MYZAP: variants seen among roughly 807,000 people sequenced by gnomAD.
The protein encoded by MYZAP is myocardial zonula adherens protein, also known as GRINL1A complex locus upstream.
Under a neutral mutation model 69.4 loss-of-function variants are expected in MYZAP, and 66 were observed. The ratio of observed to expected loss-of-function variants is 0.95; its 90% CI spans 0.78 to 1.17. The LOEUF (loss-of-function observed/expected upper bound fraction) is 1.17. Among genes scored for constraint, MYZAP ranks in the 50% most tolerant of loss-of-function variants. MYZAP has a pLI of 0.00. For synonymous variants in MYZAP, 256 were observed against 205.9 expected, an observed-to-expected ratio of 1.24 and a Z score of -2.09; for missense variants, 611 against 556.2, an observed-to-expected ratio of 1.10 and a Z score of -0.99.
At position 57,592,118 on chromosome 15, in the gene MYZAP, C is replaced by T; in HGVS notation, c.75+9C>T. 7.6e-7 allele frequency: 1 copy of T among 1,310,916 alleles called. No individual in the cohort carries two copies. The highest frequency in any genetic ancestry group is 9.7e-7 in the Non-Finnish European group (1 of 1,031,962). 81.2% of individuals were successfully genotyped at this position (1,310,916 alleles called of 1,614,324 possible). A position where few individuals can be genotyped will look rare whatever the true frequency, so the allele number is the denominator to read the frequency against. ...GGGCGCCCAGCAGGAGGGTGAGTAGCGGGGGCGGGAGCCGCCGCCGTCCCG... is the reference window on the plus strand; with the variant it reads ...GGGCGCCCAGCAGGAGGGTGAGTAGTGGGGGCGGGAGCCGCCGCCGTCCCG... On this transcript the variant is annotated intron_variant, in intron 1 of 12. Coordinates refer to ENST00000267853, the MANE Select transcript of MYZAP (RefSeq NM_001018100.5).
chr15:57,645,578 A>G lies in MYZAP; in HGVS notation c.1119+6033A>G, dbSNP rs191718737. Among the ~76,000 whole-genome samples, 9 of 152,384 alleles carry G rather than the reference A, an allele frequency of 5.9e-5. No homozygotes were observed. The East Asian group carries it at 1.5e-3, about 26-fold the overall frequency. ...TTTTGTAAGAGTTAAATGAGATGAC[A>G]TGTATAAAATGCACAGCATGTTAAT... On this transcript the variant is annotated intron_variant, in intron 10 of 12. Transcript: ENST00000267853.
chr15:57,644,034 A>T (rs1019310989), intron 10 of MYZAP, among the ~76,000 whole-genome samples: 1 of 152,206 alleles, frequency 6.6e-6, no homozygotes, highest in African/African-American at 2.4e-5. Context: ...CATTGGAATC[A>T]CCTGGGGAGC....
At chr15:57,621,372 C>A (rs1469065340) in intron 3 of MYZAP, among the ~76,000 whole-genome samples, 3 of 151,696 alleles carry the variant, frequency 2.0e-5, no homozygotes, top group Admixed American at 6.6e-5. Flanking sequence ...CACCACACCC[C>A]CCAACTAATT....
At chr15:57,645,393 C>A (rs1454118756) in intron 10 of MYZAP, among the ~76,000 whole-genome samples, 1 of 152,208 alleles carries the variant, frequency 6.6e-6, no homozygotes, top group Non-Finnish European at 1.5e-5. Context: ...GTCCCTAAAT[C>A]CACATGCATC....
In MYZAP at chr15:57,644,906, AG is replaced by A. The variant is rs2037363667; in HGVS notation, c.1119+5364del. ...TGTTAAATAGATAATAGAAACTTAA[AG>A]GGACAGAATCCAATCCACCTAAGTC... On this transcript the variant is annotated intron_variant, in intron 10 of 12. Transcript: ENST00000267853. Among the ~76,000 whole-genome samples, 3 of 152,228 alleles carry A rather than the reference AG, an allele frequency of 2.0e-5. No individual in the cohort carries two copies. In the South Asian group the frequency reaches 6.2e-4, roughly 31 times the overall value.
intron 11 of MYZAP, among the ~76,000 whole-genome samples, chr15:57,674,582 T>C (rs1034275195): frequency 6.6e-6 from 1 of 152,210 alleles, no homozygotes; most frequent in East Asian, 1.9e-4. Context: ...AATAAGAGAC[T>C]AGTTAAATAA....
intron 5 of MYZAP, among the ~76,000 whole-genome samples, chr15:57,627,526 C>G (rs1355748823): frequency 6.6e-6 from 1 of 152,048 alleles, no homozygotes; most frequent in Non-Finnish European, 1.5e-5. Flanking sequence ...CTGAGGACCA[C>G]TCGAGTACCT....
At position 57,629,397 on chromosome 15, in the gene MYZAP, C is replaced by G. The variant is rs575549953; in HGVS notation, c.526-305C>G. Among the ~76,000 whole-genome samples the G allele has an allele frequency of 1.3e-5, 2 of 152,208 alleles. 1 individual carries two copies. The highest frequency in any genetic ancestry group is 4.8e-5 in the African/African-American group (2 of 41,538). On this transcript the variant is annotated intron_variant, in intron 5 of 12. Transcript: ENST00000267853. ...CCATGTGAAATGATGTATTATAATACTTTTCCTTGGAAGGACTCCATTTTA... is the reference window on the plus strand; with the variant it reads ...CCATGTGAAATGATGTATTATAATAGTTTTCCTTGGAAGGACTCCATTTTA...
intron 2 of MYZAP, among the ~76,000 whole-genome samples, chr15:57,610,006 G>A (rs2035003013): frequency 6.6e-6 from 1 of 152,132 alleles, no homozygotes; most frequent in South Asian, 2.1e-4. Context: ...TTGAATCAGG[G>A]CCTCACTGCA....
intron 11 of MYZAP, among the ~76,000 whole-genome samples, chr15:57,674,549 T>TGATA (rs2039022761): frequency 6.6e-6 from 1 of 152,182 alleles, no homozygotes; most frequent in Non-Finnish European, 1.5e-5. Flanking sequence ...GGCAAAAACG[T>TGATA]GATAAATATC....
chr15:57,623,502 G>A (rs7167564), intron 4 of MYZAP, among the ~76,000 whole-genome samples: 1,782 of 152,308 alleles, frequency 0.012, 6 homozygotes, highest in Non-Finnish European at 0.02. Context: ...GGAGGCCGAG[G>A]CAGGTGGATC....
chr15:57,667,742 C>T (rs2038652625), intron 11 of MYZAP, among the ~76,000 whole-genome samples: 1 of 152,194 alleles, frequency 6.6e-6, no homozygotes, highest in Admixed American at 6.5e-5. Flanking sequence ...TATTTATTAA[C>T]TTACATAAAT....
chr15:57,611,850 C>T (rs545634472), intron 2 of MYZAP, among the ~76,000 whole-genome samples: 2 of 152,252 alleles, frequency 1.3e-5, no homozygotes, highest in African/African-American at 4.8e-5. Context: ...AGTATTCCTC[C>T]TGTCTCAGCC....
intron 2 of MYZAP, among the ~76,000 whole-genome samples, chr15:57,616,559 C>T (rs2035458827): frequency 6.6e-6 from 1 of 152,094 alleles, no homozygotes; most frequent in South Asian, 2.1e-4. Flanking sequence ...TTGGTTGAAC[C>T]CAGGAGGCGG....
At chr15:57,615,957 C>T (rs2140372947) in intron 2 of MYZAP, among the ~76,000 whole-genome samples, 1 of 45,526 alleles carries the variant, frequency 2.2e-5, no homozygotes, top group South Asian at 8.5e-4. Context: ...TGAAACGAAG[C>T]AAAACAAAAC....
chr15:57,618,199 T>G lies in MYZAP; in HGVS notation c.318+11T>G. ...AACTACATCAAAGATGTGAGCCATT[T>G]AAGAGTTTTTGCCCCCCACCTGTAT... On this transcript the variant is annotated intron_variant, in intron 3 of 12. Coordinates refer to ENST00000267853, the MANE Select transcript of MYZAP (RefSeq NM_001018100.5). 6.2e-7 allele frequency: 1 copy of G among 1,612,172 alleles called. No homozygotes were observed. The highest frequency in any genetic ancestry group is 8.5e-7 in the Non-Finnish European group (1 of 1,179,138).
At chr15:57,625,983 C>A in intron 5 of MYZAP, 91 bp downstream of exon 5, 2 of 1,106,758 alleles carry the variant, frequency 1.8e-6, no homozygotes, top group Non-Finnish European at 2.7e-6. Flanking sequence ...ACAGAACATC[C>A]TTAGCTCATG....
chr15:57,666,655 TG>T (rs1306579056), intron 11 of MYZAP, among the ~76,000 whole-genome samples: 4 of 151,976 alleles, frequency 2.6e-5, no homozygotes, highest in Non-Finnish European at 2.9e-5. Context: ...CGATAAACAC[TG>T]GGGATTACTA....
At position 57,684,649 on chromosome 15, in the gene MYZAP, A is replaced by G. The variant is rs889846531; in HGVS notation, c.*151A>G. On this transcript the variant is annotated 3_prime_UTR_variant, in exon 13 of 13. Transcript: ENST00000267853. Reference sequence around the variant, plus strand: ...GGCTCTGATCCACTTCTAAGACAGGAAGGAAAGTGAAGGCAGAGTGAGCAG... The same window carrying G: ...GGCTCTGATCCACTTCTAAGACAGGGAGGAAAGTGAAGGCAGAGTGAGCAG... The G allele has an allele frequency of 6.6e-6, 4 of 609,166 alleles. No individual in the cohort carries two copies. In the African/African-American group the frequency reaches 7.4e-5, roughly 11 times the overall value. The allele number at this position is 609,166 out of a possible 1,614,324, so 37.7% of individuals were successfully genotyped here.
Sources: gnomAD v4.1 joint callset for allele counts (sites outside exome capture counted in the v4.1 genomes callset) on GRCh38, gnomAD v4.1.1 for gene constraint, MANE v1.5 for transcripts, NCBI Gene and HGNC (gene_info 2026-07-23, HGNC 2026-07-21) for gene names.